The following PPEF1 variants were observed in gnomAD, a reference collection of about 807,000 sequenced individuals.
PPEF1 encodes the protein serine/threonine-protein phosphatase with EF-hands 1.
A neutral mutation model predicts 53.3 loss-of-function variants in PPEF1; 12 were observed. That is an observed-to-expected ratio of 0.23 (90% confidence interval 0.14 to 0.36). The LOEUF is 0.36. PPEF1 is among the 10% of genes least tolerant of loss of function. The pLI is 1.00. For synonymous variants in PPEF1, 165 were observed against 176.7 expected (o/e 0.93, Z 0.52); for missense variants, 334 against 490.4 (o/e 0.68, Z 3.01).
At chrX:18,751,644 G>T (rs1485305734) in intron 4 of PPEF1, among the ~76,000 whole-genome samples, 2 of 111,911 alleles carry the variant, frequency 1.8e-5, no homozygotes, top group Non-Finnish European at 3.8e-5. Context: ...GCCAGGCATG[G>T]TGGCTCATGC....
chrX:18,781,955 T>G (rs1244272451), intron 7 of PPEF1, among the ~76,000 whole-genome samples: 11 of 111,024 alleles, frequency 9.9e-5, no homozygotes. Flanking sequence ...TCTTTTCTTT[T>G]TTCCAATCAT....
intron 12 of PPEF1, among the ~76,000 whole-genome samples, chrX:18,812,379 G>T (rs1393903981): frequency 8.9e-6 from 1 of 112,222 alleles, no homozygotes; most frequent in East Asian, 2.8e-4. Context: ...CCTAATTATT[G>T]TAACTTTACA....
intron 3 of PPEF1, among the ~76,000 whole-genome samples, chrX:18,737,033 A>G (rs1370511380): frequency 9.0e-6 from 1 of 110,957 alleles, no homozygotes; most frequent in Non-Finnish European, 1.9e-5. Context: ...CTTCTTTATT[A>G]GTCTTGCTAG....
intron 1 of PPEF1, among the ~76,000 whole-genome samples, chrX:18,727,744 G>A (rs1252953436): frequency 9.0e-6 from 1 of 111,413 alleles, no homozygotes; most frequent in Non-Finnish European, 1.9e-5. Flanking sequence ...TTCAAGTTGG[G>A]GGTTCCCATG....
intron 3 of PPEF1, among the ~76,000 whole-genome samples, chrX:18,739,000 C>T (rs758524085): frequency 4.9e-4 from 55 of 112,083 alleles, no homozygotes; most frequent in Non-Finnish European, 8.6e-4. Flanking sequence ...GTCTTCTCTA[C>T]GCTGTTTATT....
At chrX:18,712,021 G>C (rs2044342758) in intron 1 of PPEF1, among the ~76,000 whole-genome samples, 1 of 111,857 alleles carries the variant, frequency 8.9e-6, no homozygotes, top group Non-Finnish European at 1.9e-5. Context: ...CAAAGTGCTG[G>C]GATTACAGGC....
chrX:18,767,662 G>C (rs2045803771), intron 6 of PPEF1, among the ~76,000 whole-genome samples: 1 of 112,434 alleles, frequency 8.9e-6, no homozygotes, highest in East Asian at 2.8e-4. Context: ...TCAGTGATCT[G>C]GAAAATCCAT....
intron 3 of PPEF1, among the ~76,000 whole-genome samples, chrX:18,746,252 G>A (rs2045327304): frequency 8.9e-6 from 1 of 112,048 alleles, no homozygotes; most frequent in Admixed American, 9.5e-5. Context: ...TAGCCCACAA[G>A]AACAGTATAT....
chrX:18,735,434 T>C (rs1408152012), intron 3 of PPEF1, among the ~76,000 whole-genome samples: 1 of 111,591 alleles, frequency 9.0e-6, no homozygotes, highest in Admixed American at 9.6e-5. Context: ...TACCAGATGG[T>C]TGTAGATGTG....
At chrX:18,790,556 C>T (rs1245725749) in intron 10 of PPEF1, among the ~76,000 whole-genome samples, 3 of 111,247 alleles carry the variant, frequency 2.7e-5, no homozygotes, top group Non-Finnish European at 5.7e-5. Flanking sequence ...AGATCTATTA[C>T]TTTGTTTTCT....
In PPEF1 at chrX:18,722,260, C is replaced by T. The variant is rs1050815052; in HGVS notation, c.47-7921C>T. 4.4e-4 allele frequency among the ~76,000 whole-genome samples: 49 copies of T among 112,555 alleles called. 1 individual carries two copies. The highest frequency in any genetic ancestry group is 1.9e-4 in the Non-Finnish European group (10 of 53,349). ...TGAGGTTATAGATGCTTCTCCTCTT[C>T]GCTTAAAGCCTTTTGCTATTAGAGG... is the stretch of plus-strand genomic sequence containing the variant. On this transcript the variant is annotated intron_variant, in intron 1 of 15. Coordinates refer to ENST00000470157, the MANE Select transcript of PPEF1 (RefSeq NM_001377996.1).
At chrX:18,776,545 G>A (rs1181774773) in intron 6 of PPEF1, among the ~76,000 whole-genome samples, 5 of 111,616 alleles carry the variant, frequency 4.5e-5, no homozygotes, top group East Asian at 5.6e-4. Context: ...ACTTCTTTAC[G>A]TTTTGATGAA....
At chrX:18,680,479 A>C (rs1602332625), upstream of PPEF1, among the ~76,000 whole-genome samples, 1 of 84,474 alleles carries the variant, frequency 1.2e-5, no homozygotes, top group African/African-American at 4.9e-5. Context: ...CCCAGGCTGG[A>C]GTGCAATGGC....
intron 1 of PPEF1, among the ~76,000 whole-genome samples, chrX:18,728,622 G>T (rs2044764843): frequency 9.0e-6 from 1 of 111,274 alleles, no homozygotes; most frequent in Admixed American, 9.6e-5. Flanking sequence ...TCTTCCTGTG[G>T]TTTTTCCCTA....
chrX:18,761,497 C>T (rs773569976), intron 5 of PPEF1, 33 bp from the exon 6 acceptor site: 12 of 1,173,013 alleles, frequency 1.0e-5, no homozygotes, highest in Non-Finnish European at 1.3e-5. Context: ...ATCTTGTTCT[C>T]TACTGAATAC....
intron 3 of PPEF1, among the ~76,000 whole-genome samples, chrX:18,745,146 AT>A (rs1472386220): frequency 5.3e-5 from 5 of 94,946 alleles, no homozygotes; most frequent in African/African-American, 1.9e-4. Context: ...TATTATATAT[AT>A]TATATATTAT....
intron 1 of PPEF1, among the ~76,000 whole-genome samples, chrX:18,722,847 G>A (rs1446953993): frequency 9.0e-6 from 1 of 111,434 alleles, no homozygotes; most frequent in African/African-American, 3.3e-5. Flanking sequence ...AGAAGGGGTG[G>A]TCAGGAAAGG....
chrX:18,763,335 G>A (rs1393079070), intron 6 of PPEF1, among the ~76,000 whole-genome samples: 1 of 111,421 alleles, frequency 9.0e-6, no homozygotes. Context: ...ATCCTAAATA[G>A]GTCCTGTTAA....
At chrX:18,811,599 ATATATATATATATATATT>A (rs1346454203) in intron 12 of PPEF1, among the ~76,000 whole-genome samples, 5 of 22,458 alleles carry the variant, frequency 2.2e-4, no homozygotes, top group African/African-American at 8.1e-4. Context: ...ATATATATAT[ATATATATATATATATATT>A]TTTTTTTTTT....
Sources: gnomAD v4.1 joint callset for allele counts (sites outside exome capture counted in the v4.1 genomes callset) on GRCh38, gnomAD v4.1.1 for gene constraint, MANE v1.5 for transcripts, NCBI Gene and HGNC (gene_info 2026-07-23, HGNC 2026-07-21) for gene names.